The following IL27RA variants were observed in gnomAD, a reference collection of about 807,000 sequenced individuals.
IL27RA encodes interleukin-27 receptor subunit alpha.
IL27RA carries 61 observed loss-of-function variants against 80.8 expected under a neutral mutation model. The ratio of observed to expected loss-of-function variants is 0.76; its 90% CI spans 0.61 to 0.93. The LOEUF is 0.93. Among genes scored for constraint, IL27RA ranks in the 40% least tolerant of loss-of-function variants. The pLI is 0.00. For synonymous variants in IL27RA, 316 were observed against 332.5 expected (o/e 0.95, Z 0.54); for missense variants, 735 against 808.1 (o/e 0.91, Z 1.10).
intron 11 of IL27RA, 47 bp downstream of exon 11, chr19:14,050,930 C>A: frequency 1.3e-6 from 2 of 1,567,334 alleles, no homozygotes; most frequent in Admixed American, 1.7e-5. Context: ...ATGTACTCCA[C>A]AGTGGGGAGA....
Position 14,052,347 on chromosome 19 carries a change from C to T in IL27RA, c.*57C>T. Reference sequence around the variant, plus strand: ...GCTAGAGGGATGCTCATGCAGGTTGCACCCCAGTCCTGGATTAGCCCTCTT... The same window carrying T: ...GCTAGAGGGATGCTCATGCAGGTTGTACCCCAGTCCTGGATTAGCCCTCTT... On this transcript the variant is annotated 3_prime_UTR_variant, in exon 14 of 14. Coordinates refer to ENST00000263379, the MANE Select transcript of IL27RA (RefSeq NM_004843.4). 1.5e-6 allele frequency: 2 copies of T among 1,340,094 alleles called. No individual in the cohort carries two copies. The highest frequency in any genetic ancestry group is 9.9e-7 in the Non-Finnish European group (1 of 1,006,254). 83.0% of individuals were successfully genotyped at this position (1,340,094 alleles called of 1,614,324 possible). A position where few individuals can be genotyped will look rare whatever the true frequency, so the allele number is the denominator to read the frequency against.
At chr19:14,036,489 CTTT>C (rs34609073) in intron 2 of IL27RA, among the ~76,000 whole-genome samples, 1,884 of 135,326 alleles carry the variant, frequency 0.014, 11 homozygotes, top group Non-Finnish European at 0.022. Context: ...ACAGGATTTC[CTTT>C]TTTTTTTTTT....
rs1442890449 is a variant in IL27RA, at chr19:14,031,918, A to G, written c.46A>G (p.Lys16Glu). ...CCCTTTCTGGCTGTGGCCGCTGCCCAAGCTGGCGCTGCTGCCTCTGTTGTG... is the reference window on the plus strand; with the variant it reads ...CCCTTTCTGGCTGTGGCCGCTGCCCGAGCTGGCGCTGCTGCCTCTGTTGTG... ...GAPFWLWPLP[K>E]LALLPLLWVL... The change falls in exon 1 of 14, where the codon AAG becomes GAG. Residue 16 changes from lysine to glutamate, a missense_variant. Lys to Glu is a moderately conservative substitution (Grantham distance 56, BLOSUM62 1). Coordinates refer to ENST00000263379, the MANE Select transcript of IL27RA (RefSeq NM_004843.4). The G allele has an allele frequency of 1.2e-6, 2 of 1,608,260 alleles. No homozygotes were observed. The highest frequency in any genetic ancestry group is 1.7e-6 in the Non-Finnish European group (2 of 1,177,928).
At chr19:14,033,283 G>A (rs905781213) in intron 2 of IL27RA, among the ~76,000 whole-genome samples, 1 of 151,044 alleles carries the variant, frequency 6.6e-6, no homozygotes, top group African/African-American at 2.4e-5. Context: ...TTTTAGTAGA[G>A]GGGGGAGGTT....
chr19:14,034,426 G>A (rs1241317946), intron 2 of IL27RA, among the ~76,000 whole-genome samples: 6 of 151,988 alleles, frequency 3.9e-5, no homozygotes, highest in Non-Finnish European at 8.8e-5. Context: ...TTGGGAGGCC[G>A]AGACAGGCAG....
At chr19:14,037,400 G>A (rs1268962367) in intron 2 of IL27RA, among the ~76,000 whole-genome samples, 1 of 151,708 alleles carries the variant, frequency 6.6e-6, no homozygotes, top group Non-Finnish European at 1.5e-5. Context: ...GACTACAAGC[G>A]TCTGCCAGGA....
intron 8 of IL27RA, among the ~76,000 whole-genome samples, chr19:14,048,521 C>T (rs1342492129): frequency 6.6e-6 from 1 of 152,130 alleles, no homozygotes; most frequent in Admixed American, 6.6e-5. Context: ...TGTTTGACCA[C>T]CTCAGAGGTT....
chr19:14,044,449 A>C (rs932701593), intron 6 of IL27RA, among the ~76,000 whole-genome samples: 17 of 152,008 alleles, frequency 1.1e-4, no homozygotes, highest in African/African-American at 4.1e-4. Flanking sequence ...CATGTTGGCC[A>C]GGCTGGTCTC....
chr19:14,032,869 C>A, intron 2 of IL27RA, among the ~76,000 whole-genome samples: 1 of 151,026 alleles, frequency 6.6e-6, no homozygotes, highest in Non-Finnish European at 1.5e-5. Flanking sequence ...GCCCCCCTCC[C>A]CCAATACTCC....
At chr19:14,049,103 T>TG (rs761934110) in intron 9 of IL27RA, 21 bp downstream of exon 9, 33 of 1,612,314 alleles carry the variant, frequency 2.0e-5, no homozygotes, top group Admixed American at 6.7e-5. Flanking sequence ...GGCTGGAGGA[T>TG]GGGGGGGCTT....
rs200591670 is a variant in IL27RA, at chr19:14,032,518, G to A, written c.218+15G>A. On this transcript the variant is annotated intron_variant, in intron 2 of 13. Coordinates refer to ENST00000263379, the MANE Select transcript of IL27RA (RefSeq NM_004843.4). ...AGCCAAAAGTAGTGAGTACAGGGAG[G>A]TGACGTGGGGAAACAGGCTTTGGAG... The A allele has an allele frequency of 2.3e-3, 3,668 of 1,560,960 alleles. 9 individuals carry two copies. Among genetic ancestry groups the A allele is most frequent in the Non-Finnish European group, 2.8e-3 (3,197 of 1,133,462 alleles).
chr19:14,046,687 G>A, intron 8 of IL27RA, 69 bp downstream of exon 8: 3 of 1,417,924 alleles, frequency 2.1e-6, no homozygotes, highest in Non-Finnish European at 2.9e-6. Flanking sequence ...ACTTGTAAGA[G>A]GGAGTGCTAT....
intron 2 of IL27RA, among the ~76,000 whole-genome samples, chr19:14,035,957 A>AT (rs1197103297): frequency 1.3e-5 from 2 of 150,474 alleles, no homozygotes; most frequent in Non-Finnish European, 3.0e-5. Context: ...ATTTTTAAAA[A>AT]TTTTTTGTAG....
rs199894417 is a variant in IL27RA, at chr19:14,046,488, A to T, written c.1011A>T (p.Leu337=). The change falls in exon 8 of 14, where the codon CTA becomes CTT. Residue 337 remains leucine (L), a synonymous_variant. Coordinates refer to ENST00000263379, the MANE Select transcript of IL27RA (RefSeq NM_004843.4). ...GCAGCATCGCTGGGAGCACGGAGCTACTGGTGACCTGGCAACCGGGGCCTG... is the reference window on the plus strand; with the variant it reads ...GCAGCATCGCTGGGAGCACGGAGCTTCTGGTGACCTGGCAACCGGGGCCTG... The part of the protein sequence containing the change: ...AVSSIAGSTE[L]LVTWQPGPGE... 1.9e-6 allele frequency: 3 copies of T among 1,614,140 alleles called. No individual in the cohort carries two copies. The highest frequency in any genetic ancestry group is 2.5e-6 in the Non-Finnish European group (3 of 1,180,028).
rs192319707 is a variant in IL27RA at position 14,038,816 on chromosome 19, A to G, written c.219-692A>G. ...GGAGAATCGCTTGAACCTGGGAGGC[A>G]GAGGTTGCGGTGAGCCAAGATCGCA... is the stretch of plus-strand genomic sequence containing the variant. On this transcript the variant is annotated intron_variant, in intron 2 of 13. Transcript: ENST00000263379. Among the ~76,000 whole-genome samples, 364 of 151,776 alleles carry G rather than the reference A, an allele frequency of 2.4e-3. 3 individuals are homozygous for G. The highest frequency in any genetic ancestry group is 7.8e-3 in the African/African-American group (325 of 41,432).
chr19:14,040,783 C>CACT (rs1975977953), intron 4 of IL27RA, among the ~76,000 whole-genome samples: 1 of 151,250 alleles, frequency 6.6e-6, no homozygotes, highest in Non-Finnish European at 1.5e-5. Context: ...GAGATCGTGC[C>CACT]ACTGCACTCC....
At chr19:14,045,554 T>G (rs1976052745) in intron 6 of IL27RA, among the ~76,000 whole-genome samples, 1 of 147,878 alleles carries the variant, frequency 6.8e-6, no homozygotes, top group Admixed American at 6.8e-5. Flanking sequence ...TGAGCCGAGA[T>G]GGCGCCACTG....
chr19:14,045,600 C>CAAA (rs143735821), intron 6 of IL27RA, among the ~76,000 whole-genome samples: 2 of 109,466 alleles, frequency 1.8e-5, no homozygotes, highest in Non-Finnish European at 4.2e-5. Flanking sequence ...GACTCTGTCT[C>CAAA]AAAAAAAAAA....
At chr19:14,049,555 G>A (rs1464837186) in intron 10 of IL27RA, among the ~76,000 whole-genome samples, 1 of 151,814 alleles carries the variant, frequency 6.6e-6, no homozygotes, top group African/African-American at 2.4e-5. Context: ...AAGATAAAAG[G>A]ATGTTAAAAT....
Sources: gnomAD v4.1 joint callset for allele counts (sites outside exome capture counted in the v4.1 genomes callset) on GRCh38, gnomAD v4.1.1 for gene constraint, MANE v1.5 for transcripts, NCBI Gene and HGNC (gene_info 2026-07-23, HGNC 2026-07-21) for gene names.